Variants in ATXN3 observed in about 807,000 individuals in gnomAD.
ATXN3 encodes ataxin-3.
ATXN3 carries 28 observed loss-of-function variants against 58.2 expected under a neutral mutation model. The ratio of observed to expected loss-of-function variants is 0.48; its 90% CI spans 0.36 to 0.66. The LOEUF (loss-of-function observed/expected upper bound fraction) is 0.66. Ranked by LOEUF, ATXN3 falls within the 30% of genes least tolerant of loss-of-function variation. ATXN3 has a pLI of 0.00. For missense variants in ATXN3, 321 were observed against 422.1 expected, an observed-to-expected ratio of 0.76 and a Z score of 2.10; for synonymous variants, 113 against 138.5, an observed-to-expected ratio of 0.82 and a Z score of 1.29.
chr14:92,080,904 T>C (rs554901119), intron 9 of ATXN3, 61 bp downstream of exon 9: 34 of 1,309,854 alleles, frequency 2.6e-5, no homozygotes, highest in African/African-American at 1.2e-4. Context: ...CATTTACAAA[T>C]AGACAAAATA....
intron 9 of ATXN3, among the ~76,000 whole-genome samples, chr14:92,079,690 G>C (rs986802705): frequency 6.6e-6 from 1 of 152,150 alleles, no homozygotes; most frequent in Non-Finnish European, 1.5e-5. Context: ...TTCTGACCTA[G>C]GATCAGTGGG....
chr14:92,048,245 G>T (rs978858384), intron 1 of ATXN3, among the ~76,000 whole-genome samples: 7 of 152,340 alleles, frequency 4.6e-5, no homozygotes, highest in Non-Finnish European at 8.8e-5. Context: ...GGTCTTGTGT[G>T]CTGGAGATGT....
At chr14:92,074,878 C>A (rs11850101) in intron 9 of ATXN3, among the ~76,000 whole-genome samples, 43,833 of 152,060 alleles carry the variant, frequency 0.29, 6,734 homozygotes, top group East Asian at 0.44. Flanking sequence ...TAACAGAAAG[C>A]ATCTGCATCC....
At chr14:92,087,993 G>A (rs2062960482) in intron 6 of ATXN3, among the ~76,000 whole-genome samples, 1 of 151,864 alleles carries the variant, frequency 6.6e-6, no homozygotes, top group East Asian at 1.9e-4. Flanking sequence ...TAAAATCACT[G>A]ATGAAAAGAG....
chr14:92,097,145 G>C (rs901484747), intron 1 of ATXN3, among the ~76,000 whole-genome samples: 2 of 151,910 alleles, frequency 1.3e-5, no homozygotes, highest in Admixed American at 6.6e-5. Flanking sequence ...TCCTGACCTC[G>C]TGATCCGCCC....
chr14:92,072,082 A>G (rs958111952), intron 9 of ATXN3, among the ~76,000 whole-genome samples: 5 of 152,264 alleles, frequency 3.3e-5, no homozygotes, highest in Non-Finnish European at 7.3e-5. Flanking sequence ...AACACACATT[A>G]TCAGATTTTA....
At chr14:92,093,919 T>C in intron 3 of ATXN3, 88 bp from the exon 4 acceptor site, 1 of 761,244 alleles carries the variant, frequency 1.3e-6, no homozygotes, top group Non-Finnish European at 2.3e-6. Context: ...GTACTTCATA[T>C]ATAAATTTCT....
intron 9 of ATXN3, among the ~76,000 whole-genome samples, chr14:92,077,339 G>A (rs2140534737): frequency 7.0e-6 from 1 of 142,002 alleles, no homozygotes; most frequent in Non-Finnish European, 1.5e-5. Flanking sequence ...TGAAGGAGGT[G>A]AGAGTATGCT....
In ATXN3 at chr14:92,106,518, C is replaced by G. The variant is rs556234359; in HGVS notation, c.24+11G>C. On this transcript the variant is annotated intron_variant, in intron 1 of 10. Transcript: ENST00000644486. ...GCGGCAGACAGCTCCCCACCGAACG[C>G]GGACACTCACTTTCTCGTGGAAGAT... is the stretch of plus-strand genomic sequence containing the variant. The G allele has an allele frequency of 6.2e-7, 1 of 1,613,470 alleles. No homozygotes were observed.
chr14:92,064,239 C>T lies in ATXN3; in HGVS notation c.*81G>A, dbSNP rs2057991118. On this transcript the variant is annotated 3_prime_UTR_variant, in exon 11 of 11. Transcript: ENST00000644486. ...GTCTTATTTCCTCATCTCTTTGACACATTACCAAAGTGGACCCTATGCTGT... is the reference window on the plus strand; with the variant it reads ...GTCTTATTTCCTCATCTCTTTGACATATTACCAAAGTGGACCCTATGCTGT... The T allele has an allele frequency of 3.0e-6, 3 of 994,932 alleles. No individual in the cohort carries two copies. In the African/African-American group the frequency reaches 4.9e-5, roughly 16 times the overall value. 61.6% of individuals were successfully genotyped at this position (994,932 alleles called of 1,614,324 possible). A position where few individuals can be genotyped will look rare whatever the true frequency, so the allele number is the denominator to read the frequency against.
chr14:92,095,795 T>C (rs1258789086), intron 3 of ATXN3, among the ~76,000 whole-genome samples: 1 of 151,356 alleles, frequency 6.6e-6, no homozygotes, highest in Non-Finnish European at 1.5e-5. Flanking sequence ...ATACAAATAT[T>C]AACTGGTGTG....
At chr14:92,072,999 G>A (rs558324040) in intron 9 of ATXN3, among the ~76,000 whole-genome samples, 10 of 152,326 alleles carry the variant, frequency 6.6e-5, no homozygotes, top group African/African-American at 2.2e-4. Context: ...GCACGTAAGG[G>A]CAGTATCCTC....
chr14:92,046,155 T>A (rs919009164), intron 2 of ATXN3: 5 of 152,012 alleles, frequency 3.3e-5, no homozygotes, highest in African/African-American at 1.2e-4. Flanking sequence ...CATGTAGTCC[T>A]TTTGCAAGAG....
At chr14:92,070,743 GC>G (rs1831875678) in intron 10 of ATXN3, 191 bp downstream of exon 10, 3 of 1,134,796 alleles carry the variant, frequency 2.6e-6, no homozygotes, top group Middle Eastern at 2.7e-4. Context: ...ACCACATCTA[GC>G]TTTTTTTTTT....
intron 6 of ATXN3, among the ~76,000 whole-genome samples, chr14:92,085,823 C>T (rs1032573640): frequency 1.3e-5 from 2 of 152,076 alleles, no homozygotes; most frequent in Non-Finnish European, 2.9e-5. Flanking sequence ...ATTATTGACA[C>T]ATAGATCTTA....
downstream of ATXN3, among the ~76,000 whole-genome samples, chr14:92,055,254 G>A (rs1013948049): frequency 2.6e-5 from 4 of 152,024 alleles, no homozygotes; most frequent in African/African-American, 9.7e-5. This position sits in a 1 kb window ranked among gnomAD's most constrained non-coding sequence, Gnocchi z 4.5. Flanking sequence ...GTGTTCTTGT[G>A]GGTTTATATA....
At position 92,058,803 on chromosome 14, in the gene ATXN3, A is replaced by G. The variant is rs1267552552; in HGVS notation, c.*5517T>C. 5 of 152,216 alleles carry G rather than the reference A, an allele frequency of 3.3e-5. No homozygotes were observed. Among genetic ancestry groups the G allele is most frequent in the Non-Finnish European group, 7.3e-5 (5 of 68,042 alleles). 9.4% of individuals were successfully genotyped at this position (152,216 alleles called of 1,614,324 possible). On this transcript the variant is annotated 3_prime_UTR_variant, in exon 11 of 11. Coordinates refer to ENST00000644486, the MANE Select transcript of ATXN3 (RefSeq NM_004993.6). ...CAGTGCACTTGTATCATGGCCAAAC[A>G]ACAATGCTTTTTGTTTCAGATATTT... is the stretch of plus-strand genomic sequence containing the variant.
chr14:92,077,948 T>G (rs1420314447), intron 9 of ATXN3, among the ~76,000 whole-genome samples: 1 of 150,668 alleles, frequency 6.6e-6, no homozygotes. Context: ...CGCCTGGCCA[T>G]GTATGCTTTA....
downstream of ATXN3, among the ~76,000 whole-genome samples, chr14:92,057,714 A>G (rs2057489136): frequency 1.3e-5 from 2 of 152,196 alleles, no homozygotes; most frequent in Non-Finnish European, 2.9e-5. Context: ...ATATTCCTCA[A>G]TCAGTCTAGG....
Sources: allele counts gnomAD v4.1 joint callset (sites outside exome capture counted in the v4.1 genomes callset), GRCh38; gene constraint gnomAD v4.1.1; non-coding constraint Gnocchi (gnomAD v3.1); transcripts MANE v1.5; gene names NCBI Gene and HGNC (gene_info 2026-07-23, HGNC 2026-07-21).